NBAS: variants seen among roughly 807,000 people sequenced by gnomAD.
NBAS encodes NBAS subunit of NRZ tethering complex.
A neutral mutation model predicts 302.5 loss-of-function variants in NBAS; 219 were observed. That is an observed-to-expected ratio of 0.72 (90% CI 0.65 to 0.81). The LOEUF (loss-of-function observed/expected upper bound fraction) is 0.81. Among genes scored for constraint, NBAS ranks in the 30% least tolerant of loss-of-function variants. The pLI is 0.00. For missense variants in NBAS, 2,932 were observed against 2,841.6 expected (o/e 1.03, Z -0.72); for synonymous variants, 1,118 against 1,021.6 (o/e 1.09, Z -1.80).
chr2:15,498,731 C>T (rs545359815), intron 11 of NBAS, among the ~76,000 whole-genome samples: 17 of 151,870 alleles, frequency 1.1e-4, no homozygotes, highest in South Asian at 6.2e-4. Context: ...AAGTGTGTGG[C>T]ACTTCCCCAT....
At chr2:15,108,962 A>C in the NBAS span, among the ~76,000 whole-genome samples, 247 of 152,246 alleles carry the variant, frequency 1.6e-3, no homozygotes, top group Non-Finnish European at 2.9e-3. Flanking sequence ...GAATCAATCC[A>C]CTGGAACAAG....
rs1237478807 is a variant in NBAS, at chr2:15,352,020, G to A, written c.4151C>T (p.Ser1384Leu). 6 of 1,611,700 alleles carry A rather than the reference G, an allele frequency of 3.7e-6. No homozygotes were observed. The highest frequency in any genetic ancestry group is 5.1e-6 in the Non-Finnish European group (6 of 1,178,044). ...HHEGGENISA[S>L]PLTSKAVQED... Reference sequence around the variant, plus strand: ...TTGTACTGCTTTACTAGTTAATGGTGAAGCACTGATATTTTCCCCTCCTTC... The same window carrying A: ...TTGTACTGCTTTACTAGTTAATGGTAAAGCACTGATATTTTCCCCTCCTTC... Residue 1384 changes from serine (S) to leucine (L), a missense_variant, in exon 35 of 52, where the codon TCA (serine) becomes TTA (leucine). Transcript: ENST00000281513.
chr2:15,401,412 C>A (rs1245711000), intron 26 of NBAS, among the ~76,000 whole-genome samples: 1 of 151,768 alleles, frequency 6.6e-6, no homozygotes. Flanking sequence ...AAAAAGAGAG[C>A]AAAGAGAAAG....
chr2:14,931,458 C>T, the NBAS span, among the ~76,000 whole-genome samples: 1 of 152,174 alleles, frequency 6.6e-6, no homozygotes, highest in Non-Finnish European at 1.5e-5. Flanking sequence ...TATACCGATA[C>T]TCCTGGGTAT....
chr2:15,120,166 T>C, the NBAS span, among the ~76,000 whole-genome samples: 1 of 152,242 alleles, frequency 6.6e-6, no homozygotes, highest in African/African-American at 2.4e-5. Context: ...TCTTAAAACC[T>C]GTCTGGACAT....
At position 15,308,317 on chromosome 2, in the gene NBAS, G is replaced by A. The variant is rs765366393; in HGVS notation, c.4696C>T (p.Pro1566Ser). Residue 1566 changes from proline to serine, a missense_variant, in exon 40 of 52, where the codon CCC (proline) becomes TCC (serine). Physicochemically the swap from Pro to Ser is moderately conservative, Grantham distance 74. Coordinates refer to ENST00000281513, the MANE Select transcript of NBAS (RefSeq NM_015909.4). Reference sequence around the variant, plus strand: ...GCCAGCTGGAGAGATAATGCAGAGGGGGACTGCTTTTCAAAGCACCGGTTA... The same window carrying A: ...GCCAGCTGGAGAGATAATGCAGAGGAGGACTGCTTTTCAAAGCACCGGTTA... ...DANRCFEKQS[P>S]SALSLQLAAY... The A allele has an allele frequency of 3.7e-6, 6 of 1,614,118 alleles. No homozygotes were observed. The Admixed American group carries it at 1.0e-4, about 27-fold the overall frequency.
At chr2:15,445,024 T>C (rs889572785) in intron 21 of NBAS, among the ~76,000 whole-genome samples, 3 of 150,078 alleles carry the variant, frequency 2.0e-5, no homozygotes, top group African/African-American at 7.4e-5. Flanking sequence ...GGAGAGGAGG[T>C]GGAGAAATAG....
the NBAS span, among the ~76,000 whole-genome samples, chr2:15,132,197 T>C: frequency 6.6e-6 from 1 of 152,214 alleles, no homozygotes; most frequent in Admixed American, 6.5e-5. Flanking sequence ...AGTAGGTGAA[T>C]GGATAAATAA....
intron 44 of NBAS, among the ~76,000 whole-genome samples, chr2:15,245,054 C>T (rs1277507643): frequency 2.0e-5 from 3 of 152,164 alleles, no homozygotes; most frequent in Non-Finnish European, 4.4e-5. Context: ...TGCTAGGCCA[C>T]TGTGACTCTG....
At position 15,218,842 on chromosome 2, in the gene NBAS, C is replaced by G; in HGVS notation, c.6363G>C (p.Glu2121Asp). ...AGAACACGAGGAGCTTGCTGTCCTC[C>G]TCAGTCAGGTGAAATGATTGCCCCA... is the stretch of plus-strand genomic sequence containing the variant. ...QILGQSFHLT[E>D]EDSKLLVFFR... Residue 2121 changes from glutamate to aspartate, a missense_variant, in exon 48 of 52, where the codon GAG (glutamate) becomes GAC (aspartate). Transcript: ENST00000281513. The G allele has an allele frequency of 6.2e-7, 1 of 1,614,262 alleles. No homozygotes were observed. The highest frequency in any genetic ancestry group is 8.5e-7 in the Non-Finnish European group (1 of 1,180,040).
the NBAS span, among the ~76,000 whole-genome samples, chr2:15,000,233 G>A: frequency 1.3e-5 from 2 of 152,194 alleles, no homozygotes. Context: ...CTTAAAGCAG[G>A]ATAACTGCCC....
At chr2:14,930,427 C>G in the NBAS span, among the ~76,000 whole-genome samples, 6 of 152,174 alleles carry the variant, frequency 3.9e-5, no homozygotes, top group Admixed American at 1.3e-4. Context: ...ACTTTTAATA[C>G]CTCAAAATCA....
the NBAS span, among the ~76,000 whole-genome samples, chr2:14,926,763 C>T: frequency 1.3e-5 from 2 of 152,208 alleles, no homozygotes; most frequent in South Asian, 2.1e-4. Context: ...GAAACACCAA[C>T]TCCCCATTCT....
At chr2:15,142,296 A>C in the NBAS span, among the ~76,000 whole-genome samples, 1 of 152,338 alleles carries the variant, frequency 6.6e-6, no homozygotes, top group Admixed American at 6.5e-5. Context: ...CCTCTGCCCG[A>C]AACAGCACAT....
intron 51 of NBAS, among the ~76,000 whole-genome samples, chr2:15,168,836 T>C (rs1461418787): frequency 4.6e-5 from 7 of 152,004 alleles, no homozygotes; most frequent in African/African-American, 1.7e-4. Flanking sequence ...ACCATGTTGG[T>C]CAGGCTGGTC....
At chr2:14,908,101 C>T in the NBAS span, among the ~76,000 whole-genome samples, 2 of 152,324 alleles carry the variant, frequency 1.3e-5, no homozygotes, top group African/African-American at 2.4e-5. Flanking sequence ...CAGTGGCTCA[C>T]GCCTGTAATC....
intron 48 of NBAS, among the ~76,000 whole-genome samples, chr2:15,193,306 T>G (rs1340914337): frequency 1.3e-5 from 2 of 152,174 alleles, no homozygotes; most frequent in East Asian, 3.9e-4. Context: ...GCTTGCATAC[T>G]CCATCATATC....
In NBAS at chr2:15,316,591, G is replaced by A. The variant is rs181794653; in HGVS notation, c.4583-7344C>T. ...GATTCTCTCACCTGCCTGGCTCGGC[G>A]GGTCCCATGCCCATGGAGCCTTGCT... On this transcript the variant is annotated intron_variant, in intron 38 of 51. Coordinates refer to ENST00000281513, the MANE Select transcript of NBAS (RefSeq NM_015909.4). Among the ~76,000 whole-genome samples, 538 of 152,324 alleles carry A rather than the reference G, an allele frequency of 3.5e-3. 2 individuals are homozygous for A. The highest frequency in any genetic ancestry group is 0.012 in the African/African-American group (503 of 41,576).
Position 15,468,364 on chromosome 2 carries a change from A to G in NBAS, c.1877+18T>C, listed in dbSNP as rs538121673. 7 of 1,613,860 alleles carry G rather than the reference A, an allele frequency of 4.3e-6. No homozygotes were observed. Among genetic ancestry groups the G allele is most frequent in the South Asian group, 3.3e-5 (3 of 91,074 alleles). On this transcript the variant is annotated intron_variant, in intron 17 of 51. Transcript: ENST00000281513. ...CAAAGTCACCTTTACTTTGAATCCA[A>G]TTCTTTCTGTAACCAACCTGCCATC...
Sources: gnomAD v4.1 joint callset for allele counts (sites outside exome capture counted in the v4.1 genomes callset) on GRCh38, gnomAD v4.1.1 for gene constraint, MANE v1.5 for transcripts, NCBI Gene and HGNC (gene_info 2026-07-23, HGNC 2026-07-21) for gene names.